The following SORL1 variants were observed in gnomAD, a reference collection of about 807,000 sequenced individuals.
The protein encoded by SORL1 is sortilin-related receptor.
SORL1 carries 127 observed loss-of-function variants against 273.7 expected under a neutral mutation model. The ratio of observed to expected loss-of-function variants is 0.46; its 90% confidence interval spans 0.40 to 0.54. SORL1 has a LOEUF of 0.54. SORL1 is among the 20% of genes least tolerant of loss of function. SORL1 has a pLI of 0.00. For synonymous variants in SORL1, 1,031 were observed against 1,067.4 expected (o/e 0.97, Z 0.66); for missense variants, 2,494 against 2,846.1 (o/e 0.88, Z 2.81).
chr11:121,471,100 A>C (rs1861160599), intron 2 of SORL1, among the ~76,000 whole-genome samples: 1 of 152,176 alleles, frequency 6.6e-6, no homozygotes, highest in South Asian at 2.1e-4. Context: ...ATGCACATTC[A>C]AGAAACATTC....
intron 45 of SORL1, among the ~76,000 whole-genome samples, chr11:121,623,693 C>T (rs921974359): frequency 5.9e-5 from 9 of 152,130 alleles, no homozygotes; most frequent in Admixed American, 5.2e-4. Context: ...AATCCCAGTT[C>T]GGCAGCCAGT....
intron 23 of SORL1, among the ~76,000 whole-genome samples, chr11:121,572,257 T>C (rs961683487): frequency 7.2e-5 from 11 of 152,214 alleles, no homozygotes; most frequent in African/African-American, 2.7e-4. Context: ...CTGCATCTTT[T>C]GGGAGGCACC....
rs923938466 is a variant in SORL1 at position 121,520,824 on chromosome 11, G to A, written c.1379G>A (p.Gly460Glu). The change falls in exon 9 of 48, where the codon GGA (glycine) becomes GAA (glutamate). Residue 460 changes from glycine (G) to glutamate (E), a missense_variant. By Grantham distance (98) the Gly-to-Glu change is moderately conservative. Transcript: ENST00000260197. ...TTTCTTCAGGCTCCAGCCTTCACGGGATATGGAGAGAAAATCAATTGTGAG... is the reference window on the plus strand; with the variant it reads ...TTTCTTCAGGCTCCAGCCTTCACGGAATATGGAGAGAAAATCAATTGTGAG... ...WEFLQAPAFT[G>E]YGEKINCELS... The A allele has an allele frequency of 6.3e-7, 1 of 1,596,732 alleles. No individual in the cohort carries two copies. Among genetic ancestry groups the A allele is most frequent in the Non-Finnish European group, 8.5e-7 (1 of 1,175,156 alleles).
At chr11:121,478,053 G>C in intron 2 of SORL1, 65 bp from the exon 3 acceptor site, 1 of 846,528 alleles carries the variant, frequency 1.2e-6, no homozygotes, top group Non-Finnish European at 1.6e-6. Context: ...AAAAAAAAAA[G>C]AAAGATCTTT....
chr11:121,587,973 C>G, intron 27 of SORL1, 47 bp from the exon 28 acceptor site: 2 of 1,605,514 alleles, frequency 1.2e-6, no homozygotes, highest in Non-Finnish European at 1.7e-6. Flanking sequence ...GAGGGCCCAG[C>G]CAGCCGCAGT....
Position 121,605,206 on chromosome 11 carries a change from C to T in SORL1, c.4745C>T (p.Pro1582Leu). The T allele has an allele frequency of 1.2e-6, 2 of 1,613,748 alleles. No individual in the cohort carries two copies. The highest frequency in any genetic ancestry group is 1.7e-6 in the Non-Finnish European group (2 of 1,179,838). Residue 1582 changes from proline to leucine, a missense_variant, in exon 34 of 48, where the codon CCC becomes CTC. By Grantham distance (98) the Pro-to-Leu change is moderately conservative. Around this residue, in one of 3 missense-constraint regions of SORL1, gnomAD observed 1,609 missense variants for 1,816.4 expected, o/e 0.89. Coordinates refer to ENST00000260197, the MANE Select transcript of SORL1 (RefSeq NM_003105.6). Reference sequence around the variant, plus strand: ...ACCTGGATGAGGCCCAAAAAAATGCCCTCTGCTTCTTGTGTATATAATGTC... The same window carrying T: ...ACCTGGATGAGGCCCAAAAAAATGCTCTCTGCTTCTTGTGTATATAATGTC... ...TLTWMRPKKMPSASCVYNVYY... is the reference protein window; with the variant it reads ...TLTWMRPKKMLSASCVYNVYY...
intron 3 of SORL1, among the ~76,000 whole-genome samples, chr11:121,481,249 C>T (rs1861379826): frequency 8.5e-6 from 1 of 117,396 alleles, no homozygotes; most frequent in South Asian, 3.0e-4. Flanking sequence ...TCCATCTCCT[C>T]CTCCCCAGCT....
At chr11:121,532,413 TGCA>T in intron 11 of SORL1, 48 bp from the exon 12 acceptor site, 1 of 1,555,056 alleles carries the variant, frequency 6.4e-7, no homozygotes, top group South Asian at 1.1e-5. Flanking sequence ...ACATGGTTTC[TGCA>T]CAATTACCTC....
intron 47 of SORL1, chr11:121,629,223 T>G: frequency 2.4e-5 from 11 of 454,262 alleles, no homozygotes; most frequent in Non-Finnish European, 3.9e-5. Context: ...GTAATAAGAG[T>G]CTTCTCCTGA....
intron 18 of SORL1, 33 bp from the exon 19 acceptor site, chr11:121,557,281 C>T (rs752478434): frequency 2.0e-6 from 3 of 1,505,972 alleles, no homozygotes; most frequent in Admixed American, 1.7e-5. Context: ...AGCTCCGATC[C>T]ATCTCAGCCT....
chr11:121,509,090 G>A (rs903432865), intron 6 of SORL1, among the ~76,000 whole-genome samples: 11 of 151,562 alleles, frequency 7.3e-5, no homozygotes, highest in African/African-American at 2.7e-4. Context: ...CCAGATGTCA[G>A]ATTTTAGCTA....
In SORL1 at chr11:121,554,879, A is replaced by G. The variant is rs1013363733; in HGVS notation, c.2440-308A>G. On this transcript the variant is annotated intron_variant, in intron 17 of 47. Transcript: ENST00000260197. The surrounding 1 kb of genome is among the most constrained non-coding windows in gnomAD (Gnocchi z 4.6). ...TTTTAAAAGCAAACAGACTCATACA[A>G]TCTCAGTAATCTCTGACTTTATTAT... Among the ~76,000 whole-genome samples the G allele has an allele frequency of 6.6e-6, 1 of 152,226 alleles. No individual in the cohort carries two copies. Among genetic ancestry groups the G allele is most frequent in the Non-Finnish European group, 1.5e-5 (1 of 68,046 alleles).
intron 29 of SORL1, 35 bp from the exon 30 acceptor site, chr11:121,590,005 G>T (rs1863185081): frequency 6.2e-7 from 1 of 1,610,274 alleles, no homozygotes; most frequent in Non-Finnish European, 8.5e-7. Context: ...CACTGATGCA[G>T]GGAAAGCAAC....
At chr11:121,488,975 C>A (rs985975957) in intron 4 of SORL1, among the ~76,000 whole-genome samples, 9 of 152,128 alleles carry the variant, frequency 5.9e-5, no homozygotes, top group Admixed American at 1.3e-4. Context: ...AGTTTACCAG[C>A]GGAGGGGGAA....
chr11:121,604,457 G>A, intron 33 of SORL1, 133 bp downstream of exon 33: 7 of 1,238,022 alleles, frequency 5.7e-6, no homozygotes, highest in Non-Finnish European at 7.6e-6. Context: ...AAACAGATTT[G>A]TGCCTAGTTT....
intron 3 of SORL1, among the ~76,000 whole-genome samples, chr11:121,485,623 T>G (rs1428254394): frequency 6.6e-6 from 1 of 152,240 alleles, no homozygotes; most frequent in Non-Finnish European, 1.5e-5. Flanking sequence ...GATTTTTGGA[T>G]TCTCCAATGT....
intron 9 of SORL1, among the ~76,000 whole-genome samples, chr11:121,522,047 A>AT (rs1428393237): frequency 6.6e-6 from 1 of 152,240 alleles, no homozygotes; most frequent in African/African-American, 2.4e-5. Context: ...CTTTGTGCAA[A>AT]TGTAAAATAC....
Position 121,561,408 on chromosome 11 carries a change from C to T in SORL1, c.3049+1751C>T, listed in dbSNP as rs567004228. 1.8e-4 allele frequency among the ~76,000 whole-genome samples: 28 copies of T among 152,300 alleles called. No homozygotes were observed. The South Asian group carries it at 5.4e-3, about 29-fold the overall frequency. On this transcript the variant is annotated intron_variant, in intron 21 of 47. Transcript: ENST00000260197. Reference sequence around the variant, plus strand: ...TCTTGGTGCCAGTCAGACAGGTCTGCAATCCTCACCTTAGGTGTAGTTTCC... The same window carrying T: ...TCTTGGTGCCAGTCAGACAGGTCTGTAATCCTCACCTTAGGTGTAGTTTCC...
intron 16 of SORL1, among the ~76,000 whole-genome samples, 164 bp from the exon 17 acceptor site, chr11:121,553,773 C>T (rs1440208475): frequency 6.6e-6 from 1 of 152,210 alleles, no homozygotes; most frequent in Non-Finnish European, 1.5e-5. Flanking sequence ...AAATGTGATT[C>T]CATTACACAC....
Sources: allele counts gnomAD v4.1 joint callset (sites outside exome capture counted in the v4.1 genomes callset), GRCh38; gene constraint gnomAD v4.1.1; regional missense constraint gnomAD v4.1.1; non-coding constraint Gnocchi (gnomAD v3.1); transcripts MANE v1.5; gene names NCBI Gene and HGNC (gene_info 2026-07-23, HGNC 2026-07-21).